The following FOXP1 variants were observed in gnomAD, a reference collection of about 807,000 sequenced individuals.
The protein encoded by FOXP1 is forkhead box protein P1.
FOXP1 carries 15 observed loss-of-function variants against 98.2 expected under a neutral mutation model. The observed-to-expected ratio is 0.15, with a 90% CI of 0.10 to 0.24. FOXP1 has a LOEUF of 0.24. Ranked by LOEUF, FOXP1 falls within the 10% of genes least tolerant of loss-of-function variation. The probability of loss-of-function intolerance (pLI) is 1.00; values close to 1 mark genes in which losing one functional copy is unlikely to be tolerated. For synonymous variants in FOXP1, 371 were observed against 314.5 expected (o/e 1.18, Z -1.90); for missense variants, 633 against 848.5 (o/e 0.75, Z 3.15).
intron 3 of FOXP1, among the ~76,000 whole-genome samples, chr3:71,423,166 GA>G (rs2083797364): frequency 6.6e-6 from 1 of 152,186 alleles, no homozygotes; most frequent in Non-Finnish European, 1.5e-5. Context: ...AGCTCTCACT[GA>G]GGGTGAATTT....
chr3:71,530,409 T>G (rs1397551506), intron 2 of FOXP1, among the ~76,000 whole-genome samples: 1 of 152,136 alleles, frequency 6.6e-6, no homozygotes, highest in Non-Finnish European at 1.5e-5. Flanking sequence ...CCTCCAGAAC[T>G]GAAATAACTA....
At chr3:71,257,969 T>C (rs2068776691) in intron 5 of FOXP1, among the ~76,000 whole-genome samples, 1 of 152,192 alleles carries the variant, frequency 6.6e-6, no homozygotes. Flanking sequence ...GAACACAAAA[T>C]ACCTCGCAGT....
intron 5 of FOXP1, among the ~76,000 whole-genome samples, chr3:71,299,211 A>G (rs1390146186): frequency 6.6e-6 from 1 of 152,196 alleles, no homozygotes; most frequent in East Asian, 1.9e-4. Flanking sequence ...TCATTAAGCT[A>G]CTTTAGTCTC....
intron 3 of FOXP1, among the ~76,000 whole-genome samples, chr3:71,484,546 G>A (rs1025347516): frequency 4.6e-5 from 7 of 152,192 alleles, no homozygotes; most frequent in African/African-American, 1.7e-4. Context: ...ACATTTGCAA[G>A]GTGTCAAGCA....
chr3:71,361,047 A>G (rs2078528773), intron 3 of FOXP1, among the ~76,000 whole-genome samples: 1 of 152,196 alleles, frequency 6.6e-6, no homozygotes, highest in Non-Finnish European at 1.5e-5. Flanking sequence ...TGACTTCTGA[A>G]TCTTCATTCT....
intron 7 of FOXP1, among the ~76,000 whole-genome samples, chr3:71,068,784 A>T (rs1395859118): frequency 6.6e-6 from 1 of 152,214 alleles, no homozygotes; most frequent in East Asian, 1.9e-4. Flanking sequence ...AGGAATACAA[A>T]ATGTAAGCCC....
intron 6 of FOXP1, among the ~76,000 whole-genome samples, chr3:71,182,034 C>CA (rs1156871743): frequency 0.21 from 21,542 of 104,134 alleles, 2,365 homozygotes; most frequent in African/African-American, 0.34. Flanking sequence ...GACTCCATCT[C>CA]AAAAAAAAGA....
At chr3:71,208,157 C>A (rs1238748984) in intron 5 of FOXP1, among the ~76,000 whole-genome samples, 2 of 152,156 alleles carry the variant, frequency 1.3e-5, no homozygotes, top group Non-Finnish European at 2.9e-5. Flanking sequence ...GCCTACAGGA[C>A]AACACGCAAG....
At chr3:71,352,833 T>C (rs1454795432) in intron 4 of FOXP1, among the ~76,000 whole-genome samples, 2 of 152,214 alleles carry the variant, frequency 1.3e-5, no homozygotes, top group African/African-American at 4.8e-5. Flanking sequence ...CCCTACTTTT[T>C]AAGCATGCAG....
At chr3:71,176,821 G>A (rs1427461552) in intron 6 of FOXP1, among the ~76,000 whole-genome samples, 1 of 151,290 alleles carries the variant, frequency 6.6e-6, no homozygotes, top group African/African-American at 2.4e-5. Flanking sequence ...CAGCACTTTG[G>A]GAGGCTGATG....
At chr3:71,574,107 GTTTT>G (rs1010417713) in intron 2 of FOXP1, 1 of 151,938 alleles carries the variant, frequency 6.6e-6, no homozygotes, top group African/African-American at 2.4e-5. Flanking sequence ...GCCCATAAGA[GTTTT>G]TTTTAAGTGC....
chr3:71,018,359 A>G (rs1041835115), intron 11 of FOXP1, among the ~76,000 whole-genome samples: 32 of 152,192 alleles, frequency 2.1e-4, no homozygotes, highest in African/African-American at 7.0e-4. Context: ...GGGTACAATT[A>G]CACATTCAGA....
chr3:71,425,675 G>A (rs1035600176), intron 3 of FOXP1, among the ~76,000 whole-genome samples: 2 of 151,370 alleles, frequency 1.3e-5, no homozygotes, highest in African/African-American at 4.9e-5. Context: ...CTCAACTTTT[G>A]TTTATTTTAA....
chr3:71,214,085 G>GT (rs147338778), intron 5 of FOXP1, among the ~76,000 whole-genome samples: 10,543 of 152,164 alleles, frequency 0.069, 640 homozygotes, highest in East Asian at 0.31. Context: ...GTGATAAAGC[G>GT]TACTTAGGTG....
intron 2 of FOXP1, among the ~76,000 whole-genome samples, chr3:71,532,389 G>A (rs929092739): frequency 1.3e-5 from 2 of 152,054 alleles, no homozygotes; most frequent in Admixed American, 6.5e-5. Context: ...GAGCCACCAC[G>A]GCCGGCACAA....
intron 6 of FOXP1, among the ~76,000 whole-genome samples, chr3:71,118,668 G>A (rs1263863295): frequency 6.6e-6 from 1 of 152,058 alleles, no homozygotes; most frequent in East Asian, 1.9e-4. Flanking sequence ...ACCAAATTCG[G>A]TCTATCACCT....
At chr3:70,965,717 T>G (rs1354666397) in intron 20 of FOXP1, among the ~76,000 whole-genome samples, 173 bp downstream of exon 20, 2 of 152,184 alleles carry the variant, frequency 1.3e-5, no homozygotes, top group Non-Finnish European at 2.9e-5. Flanking sequence ...AAATAGTCCT[T>G]TTATGCACTA....
intron 3 of FOXP1, among the ~76,000 whole-genome samples, chr3:71,375,183 G>C (rs2079625034): frequency 6.6e-6 from 1 of 152,218 alleles, no homozygotes; most frequent in Non-Finnish European, 1.5e-5. Context: ...ATAGTGGGTA[G>C]GGGGTTGGGA....
intron 5 of FOXP1, among the ~76,000 whole-genome samples, chr3:71,247,472 G>T (rs1412673946): frequency 1.3e-5 from 2 of 152,172 alleles, no homozygotes; most frequent in Non-Finnish European, 2.9e-5. Flanking sequence ...CAACCTCTGG[G>T]GGAAAGACCG....
Sources: gnomAD v4.1 joint callset for allele counts (sites outside exome capture counted in the v4.1 genomes callset) on GRCh38, gnomAD v4.1.1 for gene constraint, MANE v1.5 for transcripts, NCBI Gene and HGNC (gene_info 2026-07-23, HGNC 2026-07-21) for gene names.